PCDH9: variants seen among roughly 807,000 people sequenced by gnomAD.
The protein encoded by PCDH9 is protocadherin 9.
PCDH9 carries 24 observed loss-of-function variants against 70.6 expected under a neutral mutation model. The observed-to-expected ratio is 0.34, with a 90% CI of 0.25 to 0.48. The LOEUF is 0.48. Among genes scored for constraint, PCDH9 ranks in the 20% least tolerant of loss-of-function variants. The pLI is 0.99. For missense variants in PCDH9, 1,281 were observed against 1,503.6 expected (o/e 0.85, Z 2.45); for synonymous variants, 562 against 558.5 (o/e 1.01, Z -0.09).
chr13:67,175,494 G>A (rs561646460), intron 2 of PCDH9, among the ~76,000 whole-genome samples: 40 of 152,232 alleles, frequency 2.6e-4, no homozygotes, highest in African/African-American at 8.7e-4. Flanking sequence ...TAGACAGCAG[G>A]TCTATACCCA....
At chr13:66,934,571 A>C (rs1188521033) in intron 2 of PCDH9, among the ~76,000 whole-genome samples, 1 of 150,622 alleles carries the variant, frequency 6.6e-6, no homozygotes, top group Non-Finnish European at 1.5e-5. Context: ...AAAGAAAAAT[A>C]CAAAAACTCC....
At chr13:66,647,453 G>A (rs2077787216) in intron 3 of PCDH9, among the ~76,000 whole-genome samples, 1 of 152,120 alleles carries the variant, frequency 6.6e-6, no homozygotes, top group African/African-American at 2.4e-5. Flanking sequence ...GGGCCAAAAG[G>A]AAAACTGCTG....
At chr13:66,612,023 T>C (rs1167298729) in intron 4 of PCDH9, among the ~76,000 whole-genome samples, 1 of 152,218 alleles carries the variant, frequency 6.6e-6, no homozygotes, top group Non-Finnish European at 1.5e-5. Flanking sequence ...TTTTATGGAT[T>C]CTCCATGGAT....
chr13:66,909,845 C>A (rs1457536434), intron 2 of PCDH9, among the ~76,000 whole-genome samples: 1 of 152,158 alleles, frequency 6.6e-6, no homozygotes, highest in African/African-American at 2.4e-5. Context: ...ATTGCACAAA[C>A]AAATAAGCTT....
At chr13:66,593,883 G>A (rs993558997) in intron 4 of PCDH9, among the ~76,000 whole-genome samples, 3 of 151,550 alleles carry the variant, frequency 2.0e-5, no homozygotes, top group African/African-American at 7.3e-5. Context: ...AGAATATGTA[G>A]ATAGTACTCA....
chr13:66,478,434 G>T (rs1015308452), intron 4 of PCDH9, among the ~76,000 whole-genome samples: 1 of 152,166 alleles, frequency 6.6e-6, no homozygotes, highest in Non-Finnish European at 1.5e-5. Flanking sequence ...CTGACAAAAG[G>T]CATGTTGAAG....
At chr13:67,192,066 T>A (rs1441355192) in intron 2 of PCDH9, among the ~76,000 whole-genome samples, 1 of 151,830 alleles carries the variant, frequency 6.6e-6, no homozygotes, top group Non-Finnish European at 1.5e-5. Flanking sequence ...AAAATTGGGG[T>A]AAATCAGTCT....
intron 2 of PCDH9, among the ~76,000 whole-genome samples, chr13:67,078,850 C>G (rs1252870083): frequency 6.6e-6 from 1 of 152,058 alleles, no homozygotes; most frequent in Non-Finnish European, 1.5e-5. Context: ...TACAGCCCCT[C>G]TTTACATTTA....
chr13:66,462,683 G>A (rs192296927), intron 4 of PCDH9, among the ~76,000 whole-genome samples: 23 of 151,816 alleles, frequency 1.5e-4, no homozygotes, highest in African/African-American at 4.3e-4. Context: ...CTTGGGAAAC[G>A]CTGGGCTATG....
intron 3 of PCDH9, among the ~76,000 whole-genome samples, chr13:66,708,934 G>T (rs1399478407): frequency 1.3e-5 from 2 of 152,152 alleles, no homozygotes; most frequent in Non-Finnish European, 2.9e-5. Flanking sequence ...CCCATAAAGT[G>T]TCATAGTAGT....
At chr13:67,098,141 G>A (rs374860365) in intron 2 of PCDH9, among the ~76,000 whole-genome samples, 11 of 151,960 alleles carry the variant, frequency 7.2e-5, no homozygotes, top group African/African-American at 2.7e-4. Context: ...ACAAGCAGCG[G>A]GAACAACAAC....
intron 4 of PCDH9, among the ~76,000 whole-genome samples, chr13:66,547,982 T>C (rs1961291473): frequency 1.3e-5 from 2 of 149,184 alleles, no homozygotes; most frequent in Admixed American, 1.3e-4. Context: ...GTGAGATGTA[T>C]AGAAGCTTTT....
chr13:66,827,078 T>C (rs932820001), intron 3 of PCDH9, among the ~76,000 whole-genome samples: 1 of 152,086 alleles, frequency 6.6e-6, no homozygotes, highest in African/African-American at 2.4e-5. Context: ...CAGAGGAAGA[T>C]TTGACTATAG....
Position 66,303,776 on chromosome 13 carries a change from A to C in PCDH9, c.*879T>G, listed in dbSNP as rs552027156. ...GCCTACTTTGAAAATAAGATGATAA[A>C]AAATAGGTTCTGAATTTCCAAGCTT... On this transcript the variant is annotated 3_prime_UTR_variant, in exon 5 of 5. Transcript: ENST00000377865. 1 of 152,284 alleles carries C rather than the reference A, an allele frequency of 6.6e-6. No individual in the cohort carries two copies. Among genetic ancestry groups the C allele is most frequent in the African/African-American group, 2.4e-5 (1 of 41,546 alleles). 9.4% of individuals were successfully genotyped at this position (152,284 alleles called of 1,614,324 possible).
intron 2 of PCDH9, among the ~76,000 whole-genome samples, chr13:67,050,394 A>G (rs1221103614): frequency 6.6e-6 from 1 of 152,142 alleles, no homozygotes; most frequent in Non-Finnish European, 1.5e-5. Flanking sequence ...TTTAGTTTAC[A>G]TTTGCAAATT....
chr13:67,182,104 A>G (rs930045749), intron 2 of PCDH9, among the ~76,000 whole-genome samples: 6 of 152,122 alleles, frequency 3.9e-5, no homozygotes, highest in Non-Finnish European at 1.5e-5. Context: ...GGGCATTTAA[A>G]CAACACAGTG....
At chr13:66,712,155 T>G (rs1245665737) in intron 3 of PCDH9, among the ~76,000 whole-genome samples, 2 of 152,206 alleles carry the variant, frequency 1.3e-5, no homozygotes, top group Non-Finnish European at 2.9e-5. Context: ...TGAACAAATT[T>G]TAACATGTCA....
At position 66,779,101 on chromosome 13, in the gene PCDH9, C is replaced by G. The variant is rs534365830; in HGVS notation, c.3138+124403G>C. Among the ~76,000 whole-genome samples the G allele has an allele frequency of 2.6e-5, 4 of 151,636 alleles. No individual in the cohort carries two copies. In the South Asian group the frequency reaches 8.4e-4, roughly 32 times the overall value. ...TTTAAATATGAGTCTCTTAGAGTTC[C>G]CTATGCAGTCTCCTAGATTTTGGTA... On this transcript the variant is annotated intron_variant, in intron 3 of 4. Coordinates refer to ENST00000377865, the MANE Select transcript of PCDH9 (RefSeq NM_203487.3).
chr13:66,799,181 C>A (rs1373209549), intron 3 of PCDH9, among the ~76,000 whole-genome samples: 2 of 152,136 alleles, frequency 1.3e-5, no homozygotes, highest in Admixed American at 1.3e-4. Context: ...TGACTTTAAA[C>A]TCCCTTGTTC....
Sources: allele counts gnomAD v4.1 joint callset (sites outside exome capture counted in the v4.1 genomes callset), GRCh38; gene constraint gnomAD v4.1.1; transcripts MANE v1.5; gene names NCBI Gene and HGNC (gene_info 2026-07-23, HGNC 2026-07-21).